The following TTC6 variants were observed in gnomAD, a reference collection of about 807,000 sequenced individuals.
TTC6 encodes tetratricopeptide repeat protein 6.
In TTC6, 172 loss-of-function variants were observed where a neutral mutation model predicts 210.4. The observed-to-expected ratio is 0.82, with a 90% CI of 0.72 to 0.93. TTC6 has a LOEUF of 0.93. Ranked by LOEUF, TTC6 falls within the 40% of genes least tolerant of loss-of-function variation. The pLI is 0.00. For missense variants in TTC6, 2,414 were observed against 2,318.1 expected (o/e 1.04, Z -0.85); for synonymous variants, 804 against 819.6 (o/e 0.98, Z 0.32).
At chr14:37,698,785 C>T (rs1168492064) in intron 4 of TTC6, among the ~76,000 whole-genome samples, 2 of 152,132 alleles carry the variant, frequency 1.3e-5, no homozygotes, top group Non-Finnish European at 2.9e-5. Context: ...ATAATAGTAA[C>T]AACCTTAAAA....
chr14:37,608,776 T>C (rs2095629550), intron 2 of TTC6, among the ~76,000 whole-genome samples: 2 of 152,284 alleles, frequency 1.3e-5, no homozygotes, highest in African/African-American at 4.8e-5. Context: ...GTTCGGACTT[T>C]GTTCTGTGGT....
At chr14:37,687,857 C>T (rs139108034) in intron 3 of TTC6, among the ~76,000 whole-genome samples, 114 of 152,216 alleles carry the variant, frequency 7.5e-4, no homozygotes, top group South Asian at 1.7e-3. Context: ...AGGCGAGACT[C>T]GGCACATTCC....
At position 37,761,531 on chromosome 14, in the gene TTC6, A is replaced by G. The variant is rs566732613; in HGVS notation, c.3266+8296A>G. On this transcript the variant is annotated intron_variant, in intron 14 of 30. Transcript: ENST00000553443. ...GTACAAAATGGAAATGTACAGCATA[A>G]TGACTTATCATAGTGTCAATACCCA... Among the ~76,000 whole-genome samples the G allele has an allele frequency of 2.2e-4, 34 of 152,180 alleles. No individual in the cohort carries two copies. The South Asian group carries it at 6.4e-3, about 29-fold the overall frequency.
chr14:37,738,602 C>G (rs1440109831), intron 9 of TTC6, among the ~76,000 whole-genome samples, 174 bp from the exon 12 acceptor site: 4 of 152,108 alleles, frequency 2.6e-5, no homozygotes, highest in African/African-American at 9.7e-5. Context: ...TGAACTAACC[C>G]ACTATTAACT....
intron 14 of TTC6, among the ~76,000 whole-genome samples, chr14:37,771,824 C>T (rs2096019902): frequency 6.6e-6 from 1 of 152,146 alleles, no homozygotes; most frequent in African/African-American, 2.4e-5. Context: ...ATTCTCCATC[C>T]AGCTTTGTTC....
intron 14 of TTC6, among the ~76,000 whole-genome samples, chr14:37,775,078 C>A (rs1437245975): frequency 6.6e-6 from 1 of 152,006 alleles, no homozygotes; most frequent in East Asian, 1.9e-4. Flanking sequence ...AGTGATGACA[C>A]CCCTTTGTCA....
intron 14 of TTC6, among the ~76,000 whole-genome samples, chr14:37,761,104 G>A (rs997002189): frequency 2.6e-5 from 4 of 152,080 alleles, no homozygotes; most frequent in Non-Finnish European, 5.9e-5. Flanking sequence ...TGCCCAAACA[G>A]CCACCCAGTT....
At chr14:37,794,820 A>G (rs2096088677) in intron 17 of TTC6, among the ~76,000 whole-genome samples, 1 of 151,876 alleles carries the variant, frequency 6.6e-6, no homozygotes, top group African/African-American at 2.4e-5. Flanking sequence ...TCCTGGCCTC[A>G]TCAAGCGATT....
upstream of TTC6, among the ~76,000 whole-genome samples, chr14:37,617,778 TAAG>T (rs931233614): frequency 9.2e-5 from 14 of 152,232 alleles, no homozygotes; most frequent in African/African-American, 3.1e-4. Context: ...GTCCTTGGGT[TAAG>T]AAGTTTCTTT....
chr14:37,704,358 T>C (rs1396259719), intron 5 of TTC6, among the ~76,000 whole-genome samples: 2 of 152,190 alleles, frequency 1.3e-5, no homozygotes, highest in East Asian at 1.9e-4. Flanking sequence ...CCTGGCCAGA[T>C]AGTTACTATT....
In TTC6 at chr14:37,666,734, A is replaced by G. The variant is rs2095748906; in HGVS notation, c.940-13417A>G. Among the ~76,000 whole-genome samples, 4 of 150,208 alleles carry G rather than the reference A, an allele frequency of 2.7e-5. No homozygotes were observed. In the South Asian group the frequency reaches 6.4e-4, roughly 24 times the overall value. ...TTTATTACACATATCCTTTGAGGGG[A>G]TAGGTGGGGGAAAGACAGTTACCCA... On this transcript the variant is annotated intron_variant, in intron 1 of 30. Transcript: ENST00000553443.
chr14:37,803,297 T>C (rs2096111049), intron 20 of TTC6, among the ~76,000 whole-genome samples: 1 of 151,980 alleles, frequency 6.6e-6, no homozygotes. Flanking sequence ...TTTCTTTATT[T>C]CTGTGGTTAT....
intron 14 of TTC6, among the ~76,000 whole-genome samples, chr14:37,781,473 G>C (rs781701504): frequency 1.3e-5 from 2 of 152,140 alleles, no homozygotes; most frequent in African/African-American, 2.4e-5. Context: ...TGATGGGGTT[G>C]TTTGATTTTT....
chr14:37,651,836 A>G (rs773169484), intron 1 of TTC6, among the ~76,000 whole-genome samples: 24 of 152,162 alleles, frequency 1.6e-4, no homozygotes, highest in Non-Finnish European at 2.4e-4. Flanking sequence ...AATGGGGCGA[A>G]GCCAGGGTGG....
intron 26 of TTC6, among the ~76,000 whole-genome samples, chr14:37,820,902 CCTT>C (rs1210590236): frequency 6.6e-6 from 1 of 151,282 alleles, no homozygotes; most frequent in Admixed American, 6.6e-5. Flanking sequence ...TCCTTCTCCT[CCTT>C]CTCCTCCTCC....
intron 1 of TTC6, among the ~76,000 whole-genome samples, chr14:37,639,885 TAAA>T (rs571405717): frequency 4.7e-5 from 6 of 128,834 alleles, no homozygotes; most frequent in Admixed American, 8.0e-5. Context: ...GACCCTGTCT[TAAA>T]AAAAAAAAAA....
chr14:37,727,052 A>G (rs1385927293), intron 7 of TTC6, among the ~76,000 whole-genome samples: 2 of 151,872 alleles, frequency 1.3e-5, no homozygotes, highest in African/African-American at 2.4e-5. Flanking sequence ...TCATACCAGT[A>G]TAACACCATC....
intron 15 of TTC6, among the ~76,000 whole-genome samples, chr14:37,790,077 G>C (rs911045351): frequency 3.3e-5 from 5 of 152,064 alleles, no homozygotes; most frequent in Non-Finnish European, 7.4e-5. Context: ...CTGGATTACT[G>C]AGAGGAGGTT....
At chr14:37,827,618 G>A (rs189975698) in intron 29 of TTC6, among the ~76,000 whole-genome samples, 1,775 of 151,564 alleles carry the variant, frequency 0.012, 12 homozygotes, top group Non-Finnish European at 0.016. Flanking sequence ...TAAATGTCTT[G>A]CTAGAATCTT....
Sources: allele counts gnomAD v4.1 joint callset (sites outside exome capture counted in the v4.1 genomes callset), GRCh38; gene constraint gnomAD v4.1.1; transcripts MANE v1.5; gene names NCBI Gene and HGNC (gene_info 2026-07-23, HGNC 2026-07-21).